BRIP1: variants seen among roughly 807,000 people sequenced by gnomAD.
BRIP1 encodes the protein Fanconi anemia group J protein.
A neutral mutation model predicts 119.7 loss-of-function variants in BRIP1; 88 were observed. That is an observed-to-expected ratio of 0.74 (90% CI 0.62 to 0.88). BRIP1 has a LOEUF of 0.88. Among genes scored for constraint, BRIP1 ranks in the 40% least tolerant of loss-of-function variants. The probability of loss-of-function intolerance (pLI) is 0.00; values close to 1 mark genes in which losing one functional copy is unlikely to be tolerated. For synonymous variants in BRIP1, 443 were observed against 496.5 expected (o/e 0.89, Z 1.43); for missense variants, 1,259 against 1,455.4 (o/e 0.87, Z 2.20).
chr17:61,737,705 T>C (rs1384994691), intron 16 of BRIP1, among the ~76,000 whole-genome samples: 1 of 152,200 alleles, frequency 6.6e-6, no homozygotes, highest in Non-Finnish European at 1.5e-5. Context: ...TTCTGGGCAT[T>C]TCCAAATAAT....
chr17:61,771,352 A>G (rs1318119839), intron 14 of BRIP1, among the ~76,000 whole-genome samples: 1 of 152,218 alleles, frequency 6.6e-6, no homozygotes, highest in Non-Finnish European at 1.5e-5. Context: ...TGATTACACA[A>G]CTTTGTGAAT....
At chr17:61,838,209 T>C (rs1322317839) in intron 6 of BRIP1, among the ~76,000 whole-genome samples, 1 of 152,056 alleles carries the variant, frequency 6.6e-6, no homozygotes, top group East Asian at 1.9e-4. Flanking sequence ...CTCCCTAGTA[T>C]CATATAATAA....
chr17:61,822,054 A>C lies in BRIP1; in HGVS notation c.628-13297T>G, dbSNP rs1474007864. ...GTAATAGCCACCAGTAAAAGAACTA[A>C]ATGACAGAAGACATAATAAAAACCT... On this transcript the variant is annotated intron_variant, in intron 6 of 19. Transcript: ENST00000259008. This position sits in a 1 kb window ranked among gnomAD's most constrained non-coding sequence, Gnocchi z 4.4. 6.6e-6 allele frequency among the ~76,000 whole-genome samples: 1 copy of C among 152,230 alleles called. No individual in the cohort carries two copies. The highest frequency in any genetic ancestry group is 2.4e-5 in the African/African-American group (1 of 41,458).
In BRIP1 at chr17:61,769,195, G is replaced by C. The variant is rs890287763; in HGVS notation, c.2097+7206C>G. ...CCCAGTTGACTCTGCTGGGAGCCTTGTAATACACTGAGAAGAAAAACCCAG... is the reference window on the plus strand; with the variant it reads ...CCCAGTTGACTCTGCTGGGAGCCTTCTAATACACTGAGAAGAAAAACCCAG... On this transcript the variant is annotated intron_variant, in intron 14 of 19. Transcript: ENST00000259008. The surrounding 1 kb of genome is among the most constrained non-coding windows in gnomAD (Gnocchi z 4.9). Among the ~76,000 whole-genome samples, 2 of 152,166 alleles carry C rather than the reference G, an allele frequency of 1.3e-5. No individual in the cohort carries two copies. The highest frequency in any genetic ancestry group is 4.8e-5 in the African/African-American group (2 of 41,444).
chr17:61,813,388 C>T (rs1326776731), intron 6 of BRIP1, among the ~76,000 whole-genome samples: 8 of 151,972 alleles, frequency 5.3e-5, no homozygotes, highest in Non-Finnish European at 1.5e-5. Flanking sequence ...GCTCATTCAT[C>T]GAGAGTGGTG....
At chr17:61,792,346 G>T (rs944510511) in intron 10 of BRIP1, among the ~76,000 whole-genome samples, 1 of 152,146 alleles carries the variant, frequency 6.6e-6, no homozygotes, top group African/African-American at 2.4e-5. Context: ...ATATCCAAAT[G>T]AGTAGAAAGC....
rs989152277 is a variant in BRIP1, at chr17:61,740,864, G to A, written c.2379+2149C>T. 1.3e-5 allele frequency among the ~76,000 whole-genome samples: 2 copies of A among 152,148 alleles called. No homozygotes were observed. The highest frequency in any genetic ancestry group is 2.9e-5 in the Non-Finnish European group (2 of 68,032). ...TCAATGATGACTGCTGACTGATCAG[G>A]GTGGTGGTTGCTAACGTTGGAGTGG... On this transcript the variant is annotated intron_variant, in intron 16 of 19. Transcript: ENST00000259008. The surrounding 1 kb of genome is among the most constrained non-coding windows in gnomAD (Gnocchi z 5.4).
intron 6 of BRIP1, among the ~76,000 whole-genome samples, chr17:61,838,739 G>A (rs2078613502): frequency 6.6e-6 from 1 of 151,304 alleles, no homozygotes; most frequent in Non-Finnish European, 1.5e-5. Flanking sequence ...TAAAATGTGA[G>A]GCATTTTGGT....
intron 17 of BRIP1, among the ~76,000 whole-genome samples, chr17:61,694,535 A>G (rs2061494975): frequency 6.6e-6 from 1 of 151,994 alleles, no homozygotes; most frequent in Admixed American, 6.6e-5. Context: ...TTGGGCATAC[A>G]CCTAGAAGTG....
Position 61,689,303 on chromosome 17 carries a change from C to G in BRIP1, c.2576-3138G>C, listed in dbSNP as rs2061411844. Among the ~76,000 whole-genome samples the G allele has an allele frequency of 6.6e-6, 1 of 151,860 alleles. No individual in the cohort carries two copies. The highest frequency in any genetic ancestry group is 2.1e-4 in the South Asian group (1 of 4,816). ...AAGTGATCCACCTTCCTCAGCCTCC[C>G]AAAGTGCTAAGAATCAGGAAATTTG... On this transcript the variant is annotated intron_variant, in intron 18 of 19. Transcript: ENST00000259008. This position sits in a 1 kb window ranked among gnomAD's most constrained non-coding sequence, Gnocchi z 4.5.
Position 61,852,234 on chromosome 17 carries a change from A to G in BRIP1, c.380-2978T>C, listed in dbSNP as rs955443317. On this transcript the variant is annotated intron_variant, in intron 4 of 19. Transcript: ENST00000259008. This position sits in a 1 kb window ranked among gnomAD's most constrained non-coding sequence, Gnocchi z 4.9. ...ATTATCATCACATACAAAAAGGCTTATCTTCCTGGTCTTGATAGCAAGGGA... is the reference window on the plus strand; with the variant it reads ...ATTATCATCACATACAAAAAGGCTTGTCTTCCTGGTCTTGATAGCAAGGGA... Among the ~76,000 whole-genome samples the G allele has an allele frequency of 6.6e-6, 1 of 152,256 alleles. No individual in the cohort carries two copies. Among genetic ancestry groups the G allele is most frequent in the African/African-American group, 2.4e-5 (1 of 41,468 alleles).
chr17:61,686,002 A>G lies in BRIP1; in HGVS notation c.2739T>C (p.Ser913=), dbSNP rs878855147. 8 of 1,614,084 alleles carry G rather than the reference A, an allele frequency of 5.0e-6. No individual in the cohort carries two copies. Among genetic ancestry groups the G allele is most frequent in the Non-Finnish European group, 6.8e-6 (8 of 1,179,948 alleles). ...QDNESTLEVT[S]LKYSTSPYLL... ...AATAAGGTGAGGTACTGTACTTTAA[A>G]GAGGTCACTTCAAGTGTAGACTCAT... Residue 913 remains serine, a synonymous_variant, in exon 19 of 20, where the codon TCT becomes TCC. Transcript: ENST00000259008. The surrounding 1 kb of genome is among the most constrained non-coding windows in gnomAD (Gnocchi z 5.4).
At position 61,807,301 on chromosome 17, in the gene BRIP1, C is replaced by A. The variant is rs2078088415; in HGVS notation, c.918+1166G>T. ...TACAGAGTAAAGGAATTTCACAATTCCTCAGTTAGTTAGAAATAACTCTTT... is the reference window on the plus strand; with the variant it reads ...TACAGAGTAAAGGAATTTCACAATTACTCAGTTAGTTAGAAATAACTCTTT... On this transcript the variant is annotated intron_variant, in intron 7 of 19. Transcript: ENST00000259008. The surrounding 1 kb of genome is among the most constrained non-coding windows in gnomAD (Gnocchi z 4.5). Among the ~76,000 whole-genome samples, 1 of 152,104 alleles carries A rather than the reference C, an allele frequency of 6.6e-6. No homozygotes were observed. Among genetic ancestry groups the A allele is most frequent in the Admixed American group, 6.6e-5 (1 of 15,264 alleles).
At position 61,809,192 on chromosome 17, in the gene BRIP1, T is replaced by C. The variant is rs1037040753; in HGVS notation, c.628-435A>G. The stretch of plus-strand genomic sequence containing the variant: ...ATTCAAATATTCCTTAATACACCAA[T>C]GCTTTTGAAGCACTTTTAAATATAG... On this transcript the variant is annotated intron_variant, in intron 6 of 19. Coordinates refer to ENST00000259008, the MANE Select transcript of BRIP1 (RefSeq NM_032043.3). This position sits in a 1 kb window ranked among gnomAD's most constrained non-coding sequence, Gnocchi z 5.2. Among the ~76,000 whole-genome samples, 7 of 152,214 alleles carry C rather than the reference T, an allele frequency of 4.6e-5. No homozygotes were observed. The highest frequency in any genetic ancestry group is 2.0e-4 in the Admixed American group (3 of 15,280).
At chr17:61,782,183 A>G (rs1442390348) in intron 11 of BRIP1, among the ~76,000 whole-genome samples, 7 of 152,164 alleles carry the variant, frequency 4.6e-5, no homozygotes, top group Non-Finnish European at 8.8e-5. Context: ...CAGGAGATCG[A>G]GACCATTCTG....
rs755306832 is a variant in BRIP1, at chr17:61,784,387, A to G, written c.1511T>C (p.Ile504Thr). The G allele has an allele frequency of 7.4e-6, 12 of 1,613,414 alleles. No homozygotes were observed. The highest frequency in any genetic ancestry group is 8.5e-6 in the Non-Finnish European group (10 of 1,179,552). Residue 504 changes from isoleucine to threonine, a missense_variant, in exon 11 of 20, where the codon ATC becomes ACC. This residue lies in a region of BRIP1 where 753 missense variants were observed against 891.8 expected (regional missense o/e 0.84). Transcript: ENST00000259008. ...CTCCTCTTTACCATAAATTGGTGAGATTTTTTCCTCTTTTTGAAGAACAGC... is the reference window on the plus strand; with the variant it reads ...CTCCTCTTTACCATAAATTGGTGAGGTTTTTTCCTCTTTTTGAAGAACAGC... ...FSAVLQKEEK[I>T]SPIYGKEEAR...
At position 61,755,057 on chromosome 17, in the gene BRIP1, C is replaced by T. The variant is rs887817669; in HGVS notation, c.2098-10466G>A. Among the ~76,000 whole-genome samples the T allele has an allele frequency of 4.6e-5, 7 of 152,134 alleles. No individual in the cohort carries two copies. The highest frequency in any genetic ancestry group is 2.6e-4 in the Admixed American group (4 of 15,276). ...ATTTTCTGTCTCTCACCCTGGAATA[C>T]AAAAGGACAATGATTTTTGTCTGTT... On this transcript the variant is annotated intron_variant, in intron 14 of 19. Coordinates refer to ENST00000259008, the MANE Select transcript of BRIP1 (RefSeq NM_032043.3). The surrounding 1 kb of genome is among the most constrained non-coding windows in gnomAD (Gnocchi z 4.5).
chr17:61,756,598 T>C lies in BRIP1; in HGVS notation c.2098-12007A>G, dbSNP rs938974185. Among the ~76,000 whole-genome samples, 1 of 152,192 alleles carries C rather than the reference T, an allele frequency of 6.6e-6. No homozygotes were observed. The highest frequency in any genetic ancestry group is 1.5e-5 in the Non-Finnish European group (1 of 68,016). ...AGAATGCCCATGTCTTATCTGGATA[T>C]TGTCATTTTACTTTGTCAAACTTCT... On this transcript the variant is annotated intron_variant, in intron 14 of 19. Transcript: ENST00000259008. This position sits in a 1 kb window ranked among gnomAD's most constrained non-coding sequence, Gnocchi z 4.3.
Position 61,734,970 on chromosome 17 carries a change from G to A in BRIP1, c.2379+8043C>T, listed in dbSNP as rs1476824370. 6.6e-6 allele frequency among the ~76,000 whole-genome samples: 1 copy of A among 152,082 alleles called. No homozygotes were observed. Among genetic ancestry groups the A allele is most frequent in the East Asian group, 1.9e-4 (1 of 5,198 alleles). Reference sequence around the variant, plus strand: ...TAGGTTGTTTCGTTTCTATAAGGTAGAACATTTAAATTTTTATTTACTAAA... The same window carrying A: ...TAGGTTGTTTCGTTTCTATAAGGTAAAACATTTAAATTTTTATTTACTAAA... On this transcript the variant is annotated intron_variant, in intron 16 of 19. Transcript: ENST00000259008. This position sits in a 1 kb window ranked among gnomAD's most constrained non-coding sequence, Gnocchi z 5.2.
Sources: gnomAD v4.1 joint callset for allele counts (sites outside exome capture counted in the v4.1 genomes callset) on GRCh38, gnomAD v4.1.1 for gene constraint, gnomAD v4.1.1 regional missense constraint, Gnocchi (gnomAD v3.1) non-coding constraint, MANE v1.5 for transcripts, NCBI Gene and HGNC (gene_info 2026-07-23, HGNC 2026-07-21) for gene names.